The following BCAR3 variants were observed in gnomAD, a reference collection of about 807,000 sequenced individuals.
BCAR3 encodes the protein breast cancer anti-estrogen resistance protein 3.
BCAR3 carries 37 observed loss-of-function variants against 80.1 expected under a neutral mutation model. The observed-to-expected ratio is 0.46, with a 90% confidence interval of 0.36 to 0.61. The LOEUF is 0.61. Among genes scored for constraint, BCAR3 ranks in the 20% least tolerant of loss-of-function variants. The probability of loss-of-function intolerance (pLI) is 0.00; values close to 1 mark genes in which losing one functional copy is unlikely to be tolerated. For synonymous variants in BCAR3, 389 were observed against 418.9 expected, an observed-to-expected ratio of 0.93 and a Z score of 0.87; for missense variants, 978 against 1,068.2, an observed-to-expected ratio of 0.92 and a Z score of 1.18.
intron 2 of BCAR3, among the ~76,000 whole-genome samples, chr1:93,729,956 A>T (rs1301754327): frequency 6.6e-6 from 1 of 152,256 alleles, no homozygotes; most frequent in Non-Finnish European, 1.5e-5. Context: ...TAAATTTAGC[A>T]GAATATTAAA....
At chr1:93,789,569 TG>T (rs1233158722) in intron 2 of BCAR3, among the ~76,000 whole-genome samples, 2 of 152,208 alleles carry the variant, frequency 1.3e-5, no homozygotes, top group East Asian at 3.8e-4. Flanking sequence ...GGCTGTAACT[TG>T]GGGTGGGGTG....
intron 2 of BCAR3, among the ~76,000 whole-genome samples, chr1:93,834,371 A>G (rs757921831): frequency 1.3e-5 from 2 of 151,908 alleles, no homozygotes; most frequent in African/African-American, 2.4e-5. Context: ...TCCACTACCC[A>G]TTATTCTATT....
At chr1:93,640,321 G>A (rs145231981) in intron 3 of BCAR3, among the ~76,000 whole-genome samples, 1 of 152,150 alleles carries the variant, frequency 6.6e-6, no homozygotes, top group African/African-American at 2.4e-5. Flanking sequence ...TGTGCTTTCA[G>A]AGCCTTAGTG....
chr1:93,617,785 G>C (rs1156655600), intron 3 of BCAR3, among the ~76,000 whole-genome samples: 1 of 152,174 alleles, frequency 6.6e-6, no homozygotes, highest in African/African-American at 2.4e-5. Context: ...TGATTAGCCT[G>C]GACCTTGCCC....
intron 3 of BCAR3, among the ~76,000 whole-genome samples, chr1:93,703,496 G>T (rs957811818): frequency 6.6e-6 from 1 of 150,836 alleles, no homozygotes; most frequent in Non-Finnish European, 1.5e-5. Context: ...GAGCCTAGGA[G>T]TTTGAGGCTG....
chr1:93,607,105 G>A (rs1020892687), intron 3 of BCAR3, among the ~76,000 whole-genome samples: 6 of 152,146 alleles, frequency 3.9e-5, no homozygotes, highest in Admixed American at 1.3e-4. Flanking sequence ...AAAGAGGGGC[G>A]GAGGGATAGG....
At chr1:93,733,050 T>C (rs576857383) in intron 2 of BCAR3, among the ~76,000 whole-genome samples, 1 of 152,284 alleles carries the variant, frequency 6.6e-6, no homozygotes, top group South Asian at 2.1e-4. Context: ...CTGAGACCAA[T>C]GCAGCATTTT....
chr1:93,816,231 T>C (rs952161753), intron 2 of BCAR3, among the ~76,000 whole-genome samples: 1 of 152,200 alleles, frequency 6.6e-6, no homozygotes, highest in African/African-American at 2.4e-5. Flanking sequence ...GTTTATTCTA[T>C]CACTGTAGGA....
intron 3 of BCAR3, among the ~76,000 whole-genome samples, chr1:93,630,724 G>A (rs1242934893): frequency 6.6e-6 from 1 of 152,218 alleles, no homozygotes; most frequent in African/African-American, 2.4e-5. Context: ...TAGTACGGAT[G>A]TCAGGGAAGG....
intron 8 of BCAR3, among the ~76,000 whole-genome samples, chr1:93,573,609 T>TTTTTTATTATTA (rs760911546): frequency 4.8e-4 from 68 of 142,804 alleles, no homozygotes; most frequent in African/African-American, 1.6e-3. Context: ...AAAATATATT[T>TTTTTTATTATTA]TTATTATTAT....
intron 2 of BCAR3, among the ~76,000 whole-genome samples, chr1:93,752,338 C>T (rs1017941080): frequency 6.6e-6 from 1 of 152,210 alleles, no homozygotes; most frequent in Non-Finnish European, 1.5e-5. Flanking sequence ...GGGTAGGGAG[C>T]TGTGAGGTTT....
chr1:93,753,543 TACACACACACACACACACACACAC>T lies in BCAR3; in HGVS notation c.-62-47425_-62-47402del, dbSNP rs5776188. On this transcript the variant is annotated intron_variant, in intron 2 of 13. Transcript: ENST00000370244. ...CTGCATGCGCGCATATGCACGCGGGTACACACACACACACACACACACACACACACACACACACACACACACACG... is the reference window on the plus strand; with the variant it reads ...CTGCATGCGCGCATATGCACGCGGGTACACACACACACACACACACACACG... 7 of 137,560 alleles carry T rather than the reference TACACACACACACACACACACACAC, an allele frequency of 5.1e-5. No individual in the cohort carries two copies. In the East Asian group the frequency reaches 1.1e-3, roughly 22 times the overall value. 8.5% of individuals were successfully genotyped at this position (137,560 alleles called of 1,614,324 possible). A position where few individuals can be genotyped will look rare whatever the true frequency, so the allele number is the denominator to read the frequency against.
intron 2 of BCAR3, among the ~76,000 whole-genome samples, chr1:93,767,523 C>CAAA (rs58484557): frequency 2.1e-5 from 2 of 94,004 alleles, no homozygotes; most frequent in Non-Finnish European, 4.8e-5. Context: ...GACTCTGTCT[C>CAAA]AAAAAAAAAA....
chr1:93,767,414 C>T (rs12119355), intron 2 of BCAR3, among the ~76,000 whole-genome samples: 1 of 151,598 alleles, frequency 6.6e-6, no homozygotes, highest in Non-Finnish European at 1.5e-5. Context: ...GTCTCAGTTA[C>T]TTGGGAGACT....
At chr1:93,695,517 C>T (rs1448125146) in intron 3 of BCAR3, among the ~76,000 whole-genome samples, 1 of 152,172 alleles carries the variant, frequency 6.6e-6, no homozygotes, top group East Asian at 1.9e-4. Context: ...TATCATCACC[C>T]TCTTTCTCTC....
intron 2 of BCAR3, among the ~76,000 whole-genome samples, chr1:93,805,439 T>C (rs897400462): frequency 2.6e-5 from 4 of 152,230 alleles, no homozygotes; most frequent in African/African-American, 9.6e-5. Context: ...CTCGCTTGTA[T>C]AGATTAGACA....
intron 2 of BCAR3, among the ~76,000 whole-genome samples, chr1:93,720,773 C>A (rs1260761792): frequency 1.3e-5 from 2 of 152,340 alleles, no homozygotes. Flanking sequence ...ACAGACCCAC[C>A]CGCCCCTACA....
chr1:93,782,671 C>T (rs1399082940), intron 2 of BCAR3, among the ~76,000 whole-genome samples: 1 of 152,222 alleles, frequency 6.6e-6, no homozygotes. Flanking sequence ...GCAAGAGGAA[C>T]TCCAGGTCTT....
At chr1:93,643,609 C>T (rs1414922975) in intron 2 of BCAR3, among the ~76,000 whole-genome samples, 1 of 56,234 alleles carries the variant, frequency 1.8e-5, no homozygotes, top group Non-Finnish European at 3.8e-5. Context: ...GAGAATAAAA[C>T]AGTAGTTATG....
Sources: gnomAD v4.1 joint callset for allele counts (sites outside exome capture counted in the v4.1 genomes callset) on GRCh38, gnomAD v4.1.1 for gene constraint, MANE v1.5 for transcripts, NCBI Gene and HGNC (gene_info 2026-07-23, HGNC 2026-07-21) for gene names.